RYR3: variants seen among roughly 807,000 people sequenced by gnomAD.
The protein encoded by RYR3 is ryanodine receptor 3, also known as brain ryanodine receptor-calcium release channel.
RYR3 carries 207 observed loss-of-function variants against 584.3 expected under a neutral mutation model. That is an observed-to-expected ratio of 0.35 (90% CI 0.32 to 0.40). The LOEUF (loss-of-function observed/expected upper bound fraction) is 0.40, where lower values mean the gene tolerates loss of function less well. Ranked by LOEUF, RYR3 falls within the 10% of genes least tolerant of loss-of-function variation. The probability of loss-of-function intolerance (pLI) is 1.00; values close to 1 mark genes in which losing one functional copy is unlikely to be tolerated. For synonymous variants in RYR3, 2,416 were observed against 2,248.5 expected (o/e 1.07, Z -2.11); for missense variants, 5,616 against 6,089.2 (o/e 0.92, Z 2.59).
At chr15:33,423,561 A>G (rs1205753395) in intron 1 of RYR3, among the ~76,000 whole-genome samples, 1 of 152,196 alleles carries the variant, frequency 6.6e-6, no homozygotes, top group Non-Finnish European at 1.5e-5. Flanking sequence ...AGGACCCACC[A>G]AACTGTTTTC....
chr15:33,555,036 A>G (rs528559634), intron 10 of RYR3, among the ~76,000 whole-genome samples: 1 of 152,344 alleles, frequency 6.6e-6, no homozygotes, highest in African/African-American at 2.4e-5. Context: ...TTCATAGTGT[A>G]AGGGTATAGA....
At chr15:33,802,120 G>C (rs1259089651) in intron 69 of RYR3, 159 bp downstream of exon 69, 3 of 763,156 alleles carry the variant, frequency 3.9e-6, no homozygotes, top group Non-Finnish European at 4.9e-6. Flanking sequence ...CGAGCCAGAA[G>C]AAACTGCTCT....
intron 32 of RYR3, among the ~76,000 whole-genome samples, chr15:33,658,907 G>GAGA (rs1193055494): frequency 6.6e-6 from 1 of 152,230 alleles, no homozygotes; most frequent in Non-Finnish European, 1.5e-5. Context: ...GGAGAGGATG[G>GAGA]AGAGGAGTCC....
In RYR3 at chr15:33,731,603, A is replaced by G; in HGVS notation, c.7333A>G (p.Thr2445Ala). Reference sequence around the variant, plus strand: ...ACACTGCACCTCTCTGATTGATTCCACACTGCAGACAATATACAGGCTATC... The same window carrying G: ...ACACTGCACCTCTCTGATTGATTCCGCACTGCAGACAATATACAGGCTATC... ...TEHCTSLIDS[T>A]LQTIYRLSKG... is the part of the protein sequence containing the mutation. The change falls in exon 48 of 104, where the codon ACA becomes GCA. Residue 2445 changes from threonine (T) to alanine (A), a missense_variant. Thr to Ala is a moderately conservative substitution (Grantham distance 58). Coordinates refer to ENST00000634891, the MANE Select transcript of RYR3 (RefSeq NM_001036.6). 3.7e-6 allele frequency: 6 copies of G among 1,613,808 alleles called. No homozygotes were observed. Among genetic ancestry groups the G allele is most frequent in the Non-Finnish European group, 5.1e-6 (6 of 1,179,724 alleles).
chr15:33,406,061 A>T (rs1460903077), intron 1 of RYR3, among the ~76,000 whole-genome samples: 1 of 152,200 alleles, frequency 6.6e-6, no homozygotes, highest in Non-Finnish European at 1.5e-5. Context: ...CCAGGAGGAC[A>T]TGTTATTCTG....
chr15:33,462,802 T>C (rs2048152556), intron 1 of RYR3, among the ~76,000 whole-genome samples: 2 of 152,138 alleles, frequency 1.3e-5, no homozygotes, highest in African/African-American at 4.8e-5. Context: ...GTGCATCATA[T>C]GATGGAGACA....
At chr15:33,522,557 A>G (rs541414731) in intron 3 of RYR3, among the ~76,000 whole-genome samples, 1 of 152,344 alleles carries the variant, frequency 6.6e-6, no homozygotes, top group African/African-American at 2.4e-5. Flanking sequence ...CTTATGCTGT[A>G]TAGTGCTTTA....
At chr15:33,756,505 T>A in intron 59 of RYR3, 132 bp downstream of exon 59, 1 of 722,188 alleles carries the variant, frequency 1.4e-6, no homozygotes, top group Non-Finnish European at 2.4e-6. Context: ...TATTTCTCTG[T>A]CGTGTAACAG....
intron 42 of RYR3, among the ~76,000 whole-genome samples, chr15:33,703,036 G>C (rs753772208): frequency 3.3e-5 from 5 of 152,164 alleles, no homozygotes; most frequent in Non-Finnish European, 5.9e-5. Context: ...CAGCCACACA[G>C]AACACAGATT....
rs146676690 is a variant in RYR3, at chr15:33,382,875, C to G, written c.51+71779C>G. Among the ~76,000 whole-genome samples, 391 of 152,100 alleles carry G rather than the reference C, an allele frequency of 2.6e-3. 4 individuals are homozygous for G. Among genetic ancestry groups the G allele is most frequent in the African/African-American group, 9.1e-3 (376 of 41,484 alleles). On this transcript the variant is annotated intron_variant, in intron 1 of 103. Transcript: ENST00000634891. ...GAAAATGATCCTTACATTTTAATGA[C>G]AAGAGTCGTTTCATACCCTTTGGTA...
intron 3 of RYR3, among the ~76,000 whole-genome samples, chr15:33,516,337 T>A (rs2053517157): frequency 6.7e-6 from 1 of 150,074 alleles, no homozygotes; most frequent in South Asian, 2.2e-4. Flanking sequence ...ATCTGTAAGA[T>A]CTACTTTTTT....
intron 38 of RYR3, among the ~76,000 whole-genome samples, chr15:33,678,897 A>G (rs1337227637): frequency 6.6e-6 from 1 of 152,184 alleles, no homozygotes; most frequent in Non-Finnish European, 1.5e-5. Flanking sequence ...ATTCTGAGTA[A>G]TCACAACATC....
chr15:33,436,966 G>A (rs937889193), intron 1 of RYR3, among the ~76,000 whole-genome samples: 2 of 152,098 alleles, frequency 1.3e-5, no homozygotes, highest in Non-Finnish European at 1.5e-5. Flanking sequence ...CACTGGAATT[G>A]GTGTGTGAGT....
At chr15:33,478,746 A>G (rs2049671258) in intron 2 of RYR3, among the ~76,000 whole-genome samples, 1 of 152,204 alleles carries the variant, frequency 6.6e-6, no homozygotes. Context: ...CCGGAACCCC[A>G]ATACCCTTCC....
At chr15:33,459,284 CA>C (rs1257622686) in intron 1 of RYR3, among the ~76,000 whole-genome samples, 1 of 152,194 alleles carries the variant, frequency 6.6e-6, no homozygotes, top group Non-Finnish European at 1.5e-5. Context: ...TTAAAAAATG[CA>C]GAATAAAAAT....
chr15:33,419,538 G>A (rs1387888710), intron 1 of RYR3, among the ~76,000 whole-genome samples: 3 of 152,018 alleles, frequency 2.0e-5, no homozygotes, highest in Non-Finnish European at 2.9e-5. Context: ...GCTTTCATTT[G>A]GAACTTAGTT....
At chr15:33,730,150 TG>T (rs1450976338) in intron 47 of RYR3, among the ~76,000 whole-genome samples, 1 of 152,238 alleles carries the variant, frequency 6.6e-6, no homozygotes, top group African/African-American at 2.4e-5. Context: ...ACAATGCTTC[TG>T]CCACTGCTGT....
At chr15:33,508,171 T>C (rs185224811) in intron 3 of RYR3, among the ~76,000 whole-genome samples, 13 of 152,330 alleles carry the variant, frequency 8.5e-5, no homozygotes, top group Non-Finnish European at 4.4e-5. Context: ...GTCAGATCTT[T>C]ACAACTACGA....
At chr15:33,612,007 T>C (rs544751292) in intron 18 of RYR3, among the ~76,000 whole-genome samples, 2 of 152,340 alleles carry the variant, frequency 1.3e-5, no homozygotes, top group South Asian at 4.1e-4. Flanking sequence ...ATACATATTA[T>C]TTCTGTAATC....
Sources: allele counts gnomAD v4.1 joint callset (sites outside exome capture counted in the v4.1 genomes callset), GRCh38; gene constraint gnomAD v4.1.1; transcripts MANE v1.5; gene names NCBI Gene and HGNC (gene_info 2026-07-23, HGNC 2026-07-21).